Variants in CDC42 observed in about 807,000 individuals in gnomAD.
CDC42 encodes the protein cell division cycle 42, also known as cell division control protein 42 homolog.
CDC42 carries 1 observed loss-of-function variant against 20.8 expected under a neutral mutation model. The ratio of observed to expected loss-of-function variants is 0.05; its 90% CI spans 0.02 to 0.23. The LOEUF (loss-of-function observed/expected upper bound fraction) is 0.23, where lower values mean the gene tolerates loss of function less well. Ranked by LOEUF, CDC42 falls within the 10% of genes least tolerant of loss-of-function variation. The pLI, the probability that CDC42 is intolerant of heterozygous loss-of-function variation, is 1.00. For synonymous variants in CDC42, 72 were observed against 84.8 expected (o/e 0.85, Z 0.83); for missense variants, 49 against 227.9 (o/e 0.21, Z 5.05).
chr1:22,072,979 A>G (rs1194060219), intron 1 of CDC42, among the ~76,000 whole-genome samples: 1 of 152,144 alleles, frequency 6.6e-6, no homozygotes, highest in Non-Finnish European at 1.5e-5. Context: ...TTAATCTCAA[A>G]TCTTAAGGTT....
At chr1:22,054,008 C>T (rs994076268) in intron 1 of CDC42, among the ~76,000 whole-genome samples, 12 of 152,114 alleles carry the variant, frequency 7.9e-5, no homozygotes, top group Admixed American at 2.0e-4. Context: ...TGTTTATTCT[C>T]CTTTATGACT....
chr1:22,100,567 T>G lies in CDC42; in HGVS notation c.*9050T>G, dbSNP rs1645783651. 6.6e-6 allele frequency: 1 copy of G among 152,200 alleles called. No individual in the cohort carries two copies. The highest frequency in any genetic ancestry group is 1.5e-5 in the Non-Finnish European group (1 of 68,046). The allele number at this position is 152,200 out of a possible 1,614,324, so 9.4% of individuals were successfully genotyped here. A position where few individuals can be genotyped will look rare whatever the true frequency, so the allele number is the denominator to read the frequency against. Reference sequence around the variant, plus strand: ...TGAGAGTGACATGAATTGCTATATGTGAGGTTCTTAGCATAGTGCCTGGCA... The same window carrying G: ...TGAGAGTGACATGAATTGCTATATGGGAGGTTCTTAGCATAGTGCCTGGCA... On this transcript the variant is annotated 3_prime_UTR_variant, in exon 6 of 6. Coordinates refer to ENST00000656825, the MANE Select transcript of CDC42 (RefSeq NM_001791.4).
rs12408453 is a variant in CDC42, at chr1:22,090,917, G to T, written c.487-511G>T. On this transcript the variant is annotated intron_variant, in intron 5 of 5. Coordinates refer to ENST00000656825, the MANE Select transcript of CDC42 (RefSeq NM_001791.4). ...TCTCCTTGACTCTGTCTAACTGGTG[G>T]GATAAAGGGAGTTCAAAGTGACTAT... The T allele has an allele frequency of 1.9e-5, 8 of 411,072 alleles. No homozygotes were observed. The Admixed American group carries it at 5.1e-4, about 26-fold the overall frequency. 25.5% of individuals were successfully genotyped at this position (411,072 alleles called of 1,614,324 possible).
rs1557910832 is a variant in CDC42 at position 22,094,293 on chromosome 1, G to GTTTTTTTTTT, written c.*2776_*2777insTTTTTTTTTT. 4.0e-4 allele frequency among the ~76,000 whole-genome samples: 11 copies of GTTTTTTTTTT among 27,692 alleles called. No individual in the cohort carries two copies. Among genetic ancestry groups the GTTTTTTTTTT allele is most frequent in the African/African-American group, 1.1e-3 (5 of 4,430 alleles). 18.2% of individuals were successfully genotyped at this position (27,692 alleles called of 152,430 possible). ...TGTTTTACTGAACATCCTAGAAATA[G>GTTTTTTTTTT]ATTTTTTTTTTTTTTTTTTTTTGAG... On this transcript the variant is annotated 3_prime_UTR_variant, in exon 6 of 6. Transcript: ENST00000656825.
At chr1:22,088,810 G>A (rs1351874334) in intron 5 of CDC42, among the ~76,000 whole-genome samples, 1 of 152,118 alleles carries the variant, frequency 6.6e-6, no homozygotes, top group African/African-American at 2.4e-5. Flanking sequence ...GTTCCTAGAT[G>A]TGCAGAAAGA....
rs1803269 is a variant in CDC42, at chr1:22,092,228, G to A, written c.*711G>A. 0.01 allele frequency: 1,593 copies of A among 152,556 alleles called. 22 individuals carry two copies. The highest frequency in any genetic ancestry group is 0.014 in the Non-Finnish European group (932 of 67,980). The allele number at this position is 152,556 out of a possible 1,614,324, so 9.5% of individuals were successfully genotyped here. ...CATGAAAGTGGGTGGAGCCCATCTTGCCCCTCCTCTTTTCTAGGACGCACT... is the reference window on the plus strand; with the variant it reads ...CATGAAAGTGGGTGGAGCCCATCTTACCCCTCCTCTTTTCTAGGACGCACT... On this transcript the variant is annotated 3_prime_UTR_variant, in exon 6 of 6. Transcript: ENST00000656825.
At chr1:22,081,873 A>G in intron 3 of CDC42, 79 bp downstream of exon 3, 2 of 891,102 alleles carry the variant, frequency 2.2e-6, no homozygotes, top group South Asian at 1.4e-5. Flanking sequence ...ATTTTGAGAA[A>G]CTAGCACATG....
intron 3 of CDC42, among the ~76,000 whole-genome samples, chr1:22,082,712 G>A (rs374842777): frequency 4.6e-5 from 7 of 152,116 alleles, no homozygotes; most frequent in South Asian, 2.1e-4. Context: ...AATTGAGAAC[G>A]TGAAATGGAG....
At chr1:22,077,941 C>T (rs1260794471) in intron 1 of CDC42, among the ~76,000 whole-genome samples, 3 of 152,274 alleles carry the variant, frequency 2.0e-5, no homozygotes, top group African/African-American at 4.8e-5. Flanking sequence ...ACCGTGTGAT[C>T]GTGTGGTGCT....
intron 1 of CDC42, among the ~76,000 whole-genome samples, chr1:22,062,937 T>C (rs1472508329): frequency 3.3e-5 from 5 of 152,062 alleles, no homozygotes; most frequent in Admixed American, 3.3e-4. Flanking sequence ...AATCTTAGAT[T>C]ATTACCCTAG....
At chr1:22,085,061 G>A (rs542772146) in intron 3 of CDC42, among the ~76,000 whole-genome samples, 1 of 151,794 alleles carries the variant, frequency 6.6e-6, no homozygotes, top group Non-Finnish European at 1.5e-5. Flanking sequence ...GTGAAACCCT[G>A]TGTCTACTAA....
At chr1:22,070,049 A>G (rs1006040786) in intron 1 of CDC42, among the ~76,000 whole-genome samples, 3 of 152,150 alleles carry the variant, frequency 2.0e-5, no homozygotes, top group Non-Finnish European at 4.4e-5. Context: ...TGGCTTCTCA[A>G]AGTGCTGGGA....
intron 3 of CDC42, among the ~76,000 whole-genome samples, chr1:22,085,148 C>G (rs1191282931): frequency 6.7e-6 from 1 of 149,544 alleles, no homozygotes; most frequent in Non-Finnish European, 1.5e-5. Flanking sequence ...AGGAGAGTCT[C>G]TTGAACTGGG....
chr1:22,063,596 T>C (rs1266463420), intron 1 of CDC42, among the ~76,000 whole-genome samples: 2 of 152,218 alleles, frequency 1.3e-5, no homozygotes, highest in Non-Finnish European at 2.9e-5. Flanking sequence ...ATCTTGTTCT[T>C]CAACTGCACA....
chr1:22,087,669 G>T (rs1053653959), intron 5 of CDC42, among the ~76,000 whole-genome samples: 1 of 152,214 alleles, frequency 6.6e-6, no homozygotes, highest in African/African-American at 2.4e-5. Flanking sequence ...GTGCTTTGAA[G>T]TTTGAACACT....
intron 1 of CDC42, among the ~76,000 whole-genome samples, chr1:22,073,913 A>G (rs1246757171): frequency 1.3e-5 from 2 of 152,022 alleles, no homozygotes; most frequent in African/African-American, 4.8e-5. Flanking sequence ...GTCCCCCCAA[A>G]GTGCTGGGAT....
At chr1:22,073,849 C>G (rs1645519481) in intron 1 of CDC42, among the ~76,000 whole-genome samples, 1 of 150,994 alleles carries the variant, frequency 6.6e-6, no homozygotes, top group Non-Finnish European at 1.5e-5. Flanking sequence ...TGGGGTCTCA[C>G]TCTGTTTCCC....
chr1:22,091,531 G>A lies in CDC42; in HGVS notation c.*14G>A, dbSNP rs1300571464. On this transcript the variant is annotated 3_prime_UTR_variant, in exon 6 of 6. Coordinates refer to ENST00000656825, the MANE Select transcript of CDC42 (RefSeq NM_001791.4). ...GTGCTGCTATGAACATCTCTCCAGA[G>A]CCCTTTCTGCACAGCTGGTGTCGGC... 3 of 1,562,686 alleles carry A rather than the reference G, an allele frequency of 1.9e-6. No homozygotes were observed. The African/African-American group carries it at 4.1e-5, about 21-fold the overall frequency.
At chr1:22,070,218 T>C (rs924080550) in intron 1 of CDC42, among the ~76,000 whole-genome samples, 1 of 152,172 alleles carries the variant, frequency 6.6e-6, no homozygotes, top group Non-Finnish European at 1.5e-5. Context: ...AAAGCAAAAT[T>C]TATTCAAAGA....
Sources: gnomAD v4.1 joint callset for allele counts (sites outside exome capture counted in the v4.1 genomes callset) on GRCh38, gnomAD v4.1.1 for gene constraint, MANE v1.5 for transcripts, NCBI Gene and HGNC (gene_info 2026-07-23, HGNC 2026-07-21) for gene names.